DIPK1C: variants seen among roughly 807,000 people sequenced by gnomAD.
The protein encoded by DIPK1C is divergent protein kinase domain 1C.
In DIPK1C, 33 loss-of-function variants were observed where a neutral mutation model predicts 28.0. The ratio of observed to expected loss-of-function variants is 1.18; its 90% CI spans 0.89 to 1.58. DIPK1C has a LOEUF of 1.58. Ranked by LOEUF, DIPK1C falls within the 40% of genes most tolerant of loss-of-function variation. The pLI is 0.00. For missense variants in DIPK1C, 569 were observed against 568.5 expected (o/e 1.00, Z -0.01); for synonymous variants, 255 against 248.8 (o/e 1.02, Z -0.23).
At chr18:74,439,805 G>A (rs554750729) in intron 3 of DIPK1C, among the ~76,000 whole-genome samples, 1 of 152,160 alleles carries the variant, frequency 6.6e-6, no homozygotes, top group South Asian at 2.1e-4. Flanking sequence ...GGGTGATGAA[G>A]CGAACCCTGT....
chr18:74,456,942 A>C, intron 1 of DIPK1C, 120 bp downstream of exon 1: 2 of 1,075,246 alleles, frequency 1.9e-6, no homozygotes, highest in African/African-American at 1.7e-5. Flanking sequence ...GGTGTCGGGA[A>C]CCCATGTCCC....
At chr18:74,450,496 G>A (rs2144526389) in intron 1 of DIPK1C, among the ~76,000 whole-genome samples, 1 of 152,280 alleles carries the variant, frequency 6.6e-6, no homozygotes, top group Middle Eastern at 3.4e-3. Context: ...ACTGAGAGAG[G>A]AGGCTCAGGA....
chr18:74,461,298 G>A (rs565247184), upstream of DIPK1C, among the ~76,000 whole-genome samples: 12 of 151,854 alleles, frequency 7.9e-5, no homozygotes, highest in Non-Finnish European at 1.5e-4. Flanking sequence ...TGAACCTCAT[G>A]CCTCCTCTCT....
chr18:74,461,774 T>C (rs535756072), upstream of DIPK1C, among the ~76,000 whole-genome samples: 11 of 152,234 alleles, frequency 7.2e-5, no homozygotes, highest in South Asian at 2.1e-4. Context: ...TCACTTATCT[T>C]GAGACAGAGT....
At position 74,456,899 on chromosome 18, in the gene DIPK1C, G is replaced by A. The variant is rs1986525995; in HGVS notation, c.198+163C>T. ...ACTGCCGGCTGCGTCCCCATTCGGGGGACCGGGGCGTGCGCCTCTGGCACT... is the reference window on the plus strand; with the variant it reads ...ACTGCCGGCTGCGTCCCCATTCGGGAGACCGGGGCGTGCGCCTCTGGCACT... On this transcript the variant is annotated intron_variant, in intron 1 of 3. Transcript: ENST00000343998. Among the ~76,000 whole-genome samples, 5 of 152,128 alleles carry A rather than the reference G, an allele frequency of 3.3e-5. No homozygotes were observed. The South Asian group carries it at 1.0e-3, about 31-fold the overall frequency.
intron 1 of DIPK1C, among the ~76,000 whole-genome samples, chr18:74,448,060 T>C (rs1431098405): frequency 3.3e-5 from 5 of 152,126 alleles, no homozygotes; most frequent in Non-Finnish European, 1.5e-5. Flanking sequence ...ATGGAGCCAC[T>C]AGGGGACCTG....
intron 3 of DIPK1C, among the ~76,000 whole-genome samples, chr18:74,440,030 C>T (rs1347793593): frequency 3.2e-4 from 48 of 151,166 alleles, no homozygotes; most frequent in Admixed American, 6.6e-5. Context: ...CTGCAAGCTC[C>T]GCCTCCCGGG....
chr18:74,459,826 C>T (rs1986590814), upstream of DIPK1C, among the ~76,000 whole-genome samples: 2 of 152,096 alleles, frequency 1.3e-5, no homozygotes, highest in South Asian at 4.1e-4. Flanking sequence ...GCGCCTCTTC[C>T]CCTCCTCCTT....
At chr18:74,457,039 G>C in intron 1 of DIPK1C, 23 bp downstream of exon 1, 3 of 1,424,804 alleles carry the variant, frequency 2.1e-6, no homozygotes, top group Non-Finnish European at 2.7e-6. Context: ...CGCGGCGCGG[G>C]GCAGAGCGGC....
At chr18:74,455,804 A>AGAAGGG (rs1417067150) in intron 1 of DIPK1C, among the ~76,000 whole-genome samples, 1 of 152,090 alleles carries the variant, frequency 6.6e-6, no homozygotes, top group African/African-American at 2.4e-5. Context: ...GTGTAACACT[A>AGAAGGG]GAAGGGGTCA....
At chr18:74,446,477 C>T (rs1321717930) in intron 2 of DIPK1C, 129 bp downstream of exon 2, 3 of 884,174 alleles carry the variant, frequency 3.4e-6, no homozygotes, top group Middle Eastern at 2.3e-4. Context: ...GGTGGGAGTT[C>T]TCTAAGGCTG....
rs1047615993 is a variant in DIPK1C at position 74,457,293 on chromosome 18, G to T, written c.-34C>A. On this transcript the variant is annotated 5_prime_UTR_variant, in exon 1 of 4. Coordinates refer to ENST00000343998, the MANE Select transcript of DIPK1C (RefSeq NM_001044369.3). Reference sequence around the variant, plus strand: ...CTGCCCGCGCCCGGGCCCCACCGCCGCCCGCGCCCCGAGTTCCGCACTCGC... The same window carrying T: ...CTGCCCGCGCCCGGGCCCCACCGCCTCCCGCGCCCCGAGTTCCGCACTCGC... 1.0e-5 allele frequency: 10 copies of T among 983,548 alleles called. No homozygotes were observed. The highest frequency in any genetic ancestry group is 1.2e-5 in the Non-Finnish European group (10 of 829,020). The allele number at this position is 983,548 out of a possible 1,614,324, so 60.9% of individuals were successfully genotyped here.
At position 74,441,980 on chromosome 18, in the gene DIPK1C, C is replaced by A; in HGVS notation, c.1013G>T (p.Gly338Val). The change falls in exon 3 of 4, where the codon GGA becomes GTA. Residue 338 changes from glycine (G) to valine (V), a missense_variant. Transcript: ENST00000343998. ...CAGGTTGTTGTTTACGCGCTGCGCT[C>A]CGCATTTGTTGACTCGTAAATCACA... ...SRCDLRVNKCGAQRVNNNLQV... is the reference protein window; with the variant it reads ...SRCDLRVNKCVAQRVNNNLQV... 1.2e-6 allele frequency: 2 copies of A among 1,614,146 alleles called. No individual in the cohort carries two copies. Among genetic ancestry groups the A allele is most frequent in the South Asian group, 2.2e-5 (2 of 91,060 alleles).
In DIPK1C at chr18:74,447,068, A is replaced by G. The variant is rs1159873326; in HGVS notation, c.414T>C (p.Gly138=). 6.5e-7 allele frequency: 1 copy of G among 1,550,102 alleles called. No homozygotes were observed. Among genetic ancestry groups the G allele is most frequent in the Non-Finnish European group, 8.7e-7 (1 of 1,146,846 alleles). ...GTTCGGCCTCGGGCATGTCCTGGCC[A>G]CCCTCCCCTGCCTCCTCTTCCAACA... ...LSLLEEEAGE[G]GQDMPEAELL... Residue 138 remains glycine (G), a synonymous_variant, in exon 2 of 4, where the codon GGT becomes GGC. Transcript: ENST00000343998. This position sits in a 1 kb window ranked among gnomAD's most constrained non-coding sequence, Gnocchi z 4.1.
chr18:74,442,827 A>AT (rs1322193087), intron 2 of DIPK1C, among the ~76,000 whole-genome samples: 3 of 152,362 alleles, frequency 2.0e-5, no homozygotes, highest in Middle Eastern at 6.8e-3. Context: ...CTACTGCCTT[A>AT]TCACTTGGGT....
upstream of DIPK1C, among the ~76,000 whole-genome samples, chr18:74,459,539 G>A (rs1392508198): frequency 1.3e-5 from 2 of 152,184 alleles, no homozygotes; most frequent in Admixed American, 6.5e-5. Context: ...GGGCCCTGAA[G>A]CTGCCTAGTT....
At chr18:74,464,449 C>T in the DIPK1C span, among the ~76,000 whole-genome samples, 5 of 152,374 alleles carry the variant, frequency 3.3e-5, no homozygotes, top group Admixed American at 2.6e-4. Context: ...CCCTGGCAGG[C>T]ACATCCTCCC....
intron 1 of DIPK1C, among the ~76,000 whole-genome samples, chr18:74,454,407 C>T (rs1301088850): frequency 6.6e-6 from 1 of 152,196 alleles, no homozygotes; most frequent in Non-Finnish European, 1.5e-5. Context: ...GTGGGTTCAC[C>T]CCTGCCAGGC....
chr18:74,460,307 G>GA (rs1161389001), upstream of DIPK1C, among the ~76,000 whole-genome samples: 2 of 152,160 alleles, frequency 1.3e-5, no homozygotes, highest in African/African-American at 4.8e-5. Context: ...ATCATCGAGG[G>GA]AAAAAGCAAG....
Sources: gnomAD v4.1 joint callset for allele counts (sites outside exome capture counted in the v4.1 genomes callset) on GRCh38, gnomAD v4.1.1 for gene constraint, Gnocchi (gnomAD v3.1) non-coding constraint, MANE v1.5 for transcripts, NCBI Gene and HGNC (gene_info 2026-07-23, HGNC 2026-07-21) for gene names.